The following TESK2 variants were observed in gnomAD, a reference collection of about 807,000 sequenced individuals.
TESK2 encodes the protein testis associated actin remodelling kinase 2.
TESK2 carries 39 observed loss-of-function variants against 57.1 expected under a neutral mutation model. That is an observed-to-expected ratio of 0.68 (90% confidence interval 0.53 to 0.89). The LOEUF (loss-of-function observed/expected upper bound fraction) is 0.89, where lower values mean the gene tolerates loss of function less well. Ranked by LOEUF, TESK2 falls within the 40% of genes least tolerant of loss-of-function variation. TESK2 has a pLI of 0.00. For missense variants in TESK2, 646 were observed against 732.1 expected, an observed-to-expected ratio of 0.88 and a Z score of 1.36; for synonymous variants, 249 against 267.9, an observed-to-expected ratio of 0.93 and a Z score of 0.69.
At chr1:45,415,129 T>C in intron 3 of TESK2, 1 of 1,490,290 alleles carries the variant, frequency 6.7e-7, no homozygotes, top group Non-Finnish European at 9.3e-7. Flanking sequence ...ACAGAAAACT[T>C]TTGTGCTCTG....
chr1:45,479,207 T>C (rs1242482217), intron 1 of TESK2, among the ~76,000 whole-genome samples: 1 of 152,010 alleles, frequency 6.6e-6, no homozygotes, highest in Non-Finnish European at 1.5e-5. Flanking sequence ...CCAAAGTAAA[T>C]ACTATGTAAT....
At position 45,404,548 on chromosome 1, in the gene TESK2, A is replaced by AT. The variant is rs113551170; in HGVS notation, c.344+17176dup. 7.7e-3 allele frequency among the ~76,000 whole-genome samples: 1,115 copies of AT among 145,292 alleles called. 21 individuals are homozygous for AT. Among genetic ancestry groups the AT allele is most frequent in the East Asian group, 0.068 (338 of 4,994 alleles). ...AAGTATATTTCTATTTTATTTAATTATTTTTTTTTTTTTGAGATGTAGTCT... is the reference window on the plus strand; with the variant it reads ...AAGTATATTTCTATTTTATTTAATTATTTTTTTTTTTTTTGAGATGTAGTCT... On this transcript the variant is annotated intron_variant, in intron 3 of 10. Coordinates refer to ENST00000372086, the MANE Select transcript of TESK2 (RefSeq NM_007170.3).
At chr1:45,408,961 C>G (rs1485232500) in intron 3 of TESK2, among the ~76,000 whole-genome samples, 1 of 152,166 alleles carries the variant, frequency 6.6e-6, no homozygotes, top group Non-Finnish European at 1.5e-5. Context: ...GGGATGTTGA[C>G]TTTCAGGCCC....
intron 1 of TESK2, among the ~76,000 whole-genome samples, chr1:45,479,547 T>C (rs1653126803): frequency 6.6e-6 from 1 of 151,882 alleles, no homozygotes; most frequent in South Asian, 2.1e-4. Flanking sequence ...TTCTCCTGCC[T>C]TACCCTCCAA....
rs1491279065 is a variant in TESK2, at chr1:45,395,608, T to TC, written c.345-9649dup. On this transcript the variant is annotated intron_variant, in intron 3 of 10. Transcript: ENST00000372086. ...TACACTCCTTTCTTTTCTTTTCTTT[T>TC]CTTTTTTTTTTTTTTTGAGACAAGG... 1.8e-3 allele frequency among the ~76,000 whole-genome samples: 277 copies of TC among 150,166 alleles called. 2 individuals carry two copies. Among genetic ancestry groups the TC allele is most frequent in the African/African-American group, 6.4e-3 (257 of 40,252 alleles).
chr1:45,380,509 T>A (rs926723200), intron 4 of TESK2, among the ~76,000 whole-genome samples: 2 of 152,140 alleles, frequency 1.3e-5, no homozygotes, highest in Non-Finnish European at 2.9e-5. Flanking sequence ...TCTTTCTTCC[T>A]CTCCTCTCCA....
rs560838044 is a variant in TESK2 at position 45,443,423 on chromosome 1, T to C, written c.222+14141A>G. 8.1e-4 allele frequency among the ~76,000 whole-genome samples: 84 copies of C among 104,208 alleles called. No individual in the cohort carries two copies. The East Asian group carries it at 0.017, about 21-fold the overall frequency. The allele number at this position is 104,208 out of a possible 152,430, so 68.4% of individuals were successfully genotyped here. ...CTACTAAAAAATACAAAAAAAAAAT[T>C]AGCCGAACATGTGGTGCATGCCTGT... On this transcript the variant is annotated intron_variant, in intron 2 of 10. Coordinates refer to ENST00000372086, the MANE Select transcript of TESK2 (RefSeq NM_007170.3).
chr1:45,377,420 ATTTTT>A (rs752265198), intron 4 of TESK2, among the ~76,000 whole-genome samples: 1 of 134,712 alleles, frequency 7.4e-6, no homozygotes, highest in Non-Finnish European at 1.6e-5. Context: ...GAGAACAAGG[ATTTTT>A]TTTTTTTTTT....
intron 1 of TESK2, among the ~76,000 whole-genome samples, chr1:45,471,049 G>A (rs1228422836): frequency 1.3e-5 from 2 of 152,070 alleles, no homozygotes; most frequent in African/African-American, 2.4e-5. Flanking sequence ...TGGCCAACAT[G>A]GTGAAATCCC....
At chr1:45,396,805 G>GTT (rs55739766) in intron 3 of TESK2, among the ~76,000 whole-genome samples, 860 of 73,470 alleles carry the variant, frequency 0.012, 1 homozygote, top group African/African-American at 0.014. Context: ...CAGCTAAGTT[G>GTT]TTTTTTTTTT....
At chr1:45,358,006 TA>T (rs760610185) in intron 4 of TESK2, among the ~76,000 whole-genome samples, 722 of 24,250 alleles carry the variant, frequency 0.03, 1 homozygote, top group African/African-American at 0.059. Flanking sequence ...AAACTCCGTC[TA>T]AAAAAAAAAA....
At chr1:45,347,462 A>G (rs990418704) in intron 7 of TESK2, 147 bp downstream of exon 7, 5 of 734,452 alleles carry the variant, frequency 6.8e-6, no homozygotes, top group Non-Finnish European at 1.1e-5. Context: ...GCTACTTGGG[A>G]AGCTGAGGCA....
rs1303918402 is a variant in TESK2 at position 45,347,693 on chromosome 1, G to A, written c.624C>T (p.Ser208=). The change falls in exon 7 of 11, where the codon AGC becomes AGT. Residue 208 remains serine (S), a splice_region_variant and synonymous_variant. Transcript: ENST00000372086. ...CCACGGCCAGCTTCTCACTCCCCAT[G>A]CTGTGGGGTGAGATTATACAGAAAA... ...FGLAEKIPDV[S]MGSEKLAVVG... 5.0e-6 allele frequency: 8 copies of A among 1,613,802 alleles called. No individual in the cohort carries two copies. In the Admixed American group the frequency reaches 6.7e-5, roughly 13 times the overall value.
chr1:45,370,572 A>C (rs530643861), intron 4 of TESK2, among the ~76,000 whole-genome samples: 3 of 152,198 alleles, frequency 2.0e-5, no homozygotes, highest in Non-Finnish European at 4.4e-5. Context: ...AGGGGTACCA[A>C]ACTACTCTTG....
At chr1:45,470,364 C>T (rs1188291836) in intron 1 of TESK2, among the ~76,000 whole-genome samples, 1 of 152,192 alleles carries the variant, frequency 6.6e-6, no homozygotes, top group Non-Finnish European at 1.5e-5. Context: ...CTAATACAGA[C>T]ACGTTTCAGG....
chr1:45,433,071 T>C (rs1236809025), intron 2 of TESK2, among the ~76,000 whole-genome samples: 1 of 75,514 alleles, frequency 1.3e-5, no homozygotes, highest in Non-Finnish European at 2.7e-5. Context: ...GCCGCTTTTT[T>C]TTTTTTTTTT....
At chr1:45,452,621 G>A (rs1470255348) in intron 2 of TESK2, among the ~76,000 whole-genome samples, 1 of 152,066 alleles carries the variant, frequency 6.6e-6, no homozygotes, top group Non-Finnish European at 1.5e-5. Flanking sequence ...CCCATCTTAA[G>A]AAAAAGCCTG....
Position 45,415,030 on chromosome 1 carries a change from C to T in TESK2, c.344+6695G>A. The T allele has an allele frequency of 3.7e-6, 4 of 1,087,128 alleles. No individual in the cohort carries two copies. The South Asian group carries it at 5.0e-5, about 14-fold the overall frequency. The allele number at this position is 1,087,128 out of a possible 1,614,324, so 67.3% of individuals were successfully genotyped here. On this transcript the variant is annotated intron_variant, in intron 3 of 10. Transcript: ENST00000372086. ...GCCCCGTACTATCAGCCATGGTCAACCCCACCATGTTCTTCAACATCACAG... is the reference window on the plus strand; with the variant it reads ...GCCCCGTACTATCAGCCATGGTCAATCCCACCATGTTCTTCAACATCACAG...
chr1:45,454,881 T>C (rs111264291), intron 2 of TESK2, among the ~76,000 whole-genome samples: 1 of 152,130 alleles, frequency 6.6e-6, no homozygotes, highest in African/African-American at 2.4e-5. Context: ...GCTAAGTGAA[T>C]TAACTCTAAC....
Sources: gnomAD v4.1 joint callset for allele counts (sites outside exome capture counted in the v4.1 genomes callset) on GRCh38, gnomAD v4.1.1 for gene constraint, MANE v1.5 for transcripts, NCBI Gene and HGNC (gene_info 2026-07-23, HGNC 2026-07-21) for gene names.